ARHGAP5: variants seen among roughly 807,000 people sequenced by gnomAD.
ARHGAP5 encodes rho GTPase-activating protein 5.
Under a neutral mutation model 116.6 loss-of-function variants are expected in ARHGAP5, and 23 were observed. The observed-to-expected ratio is 0.20, with a 90% confidence interval of 0.14 to 0.28. The LOEUF (loss-of-function observed/expected upper bound fraction) is 0.28. Among genes scored for constraint, ARHGAP5 ranks in the 10% least tolerant of loss-of-function variants. The pLI is 1.00. For synonymous variants in ARHGAP5, 574 were observed against 602.0 expected (o/e 0.95, Z 0.68); for missense variants, 1,405 against 1,774.8 (o/e 0.79, Z 3.74).
chr14:32,096,614 T>C lies in ARHGAP5; in HGVS notation c.3717+2228T>C, dbSNP rs142148761. On this transcript the variant is annotated intron_variant, in intron 2 of 6. Transcript: ENST00000345122. ...AAGTCCTGGAAAAATGTAATTTACC[T>C]AAACAAATATGCTTCAAATAATCCT... Among the ~76,000 whole-genome samples, 277 of 152,336 alleles carry C rather than the reference T, an allele frequency of 1.8e-3. 1 individual carries two copies. Among genetic ancestry groups the C allele is most frequent in the African/African-American group, 6.4e-3 (266 of 41,580 alleles).
chr14:32,089,906 G>T (rs1057205909), intron 1 of ARHGAP5, among the ~76,000 whole-genome samples: 2 of 151,774 alleles, frequency 1.3e-5, no homozygotes, highest in Non-Finnish European at 2.9e-5. Flanking sequence ...ACTTATTTCT[G>T]TTTTCTCTTA....
chr14:32,150,252 A>T (rs745663102), intron 5 of ARHGAP5, among the ~76,000 whole-genome samples: 7 of 152,182 alleles, frequency 4.6e-5, no homozygotes, highest in Non-Finnish European at 8.8e-5. Context: ...TAGGTGACTT[A>T]AATGCTCCTA....
intron 2 of ARHGAP5, among the ~76,000 whole-genome samples, chr14:32,111,844 T>G: frequency 6.9e-6 from 1 of 143,980 alleles, no homozygotes; most frequent in South Asian, 2.2e-4. Flanking sequence ...CTTTGATTTT[T>G]TTTTTTTTTT....
intron 3 of ARHGAP5, among the ~76,000 whole-genome samples, chr14:32,138,672 T>A (rs1355786077): frequency 1.1e-4 from 16 of 152,222 alleles, no homozygotes; most frequent in Admixed American, 1.0e-3. Context: ...TACTTCATTT[T>A]TTTCCATCTT....
chr14:32,133,317 G>A (rs1252239438), intron 3 of ARHGAP5, among the ~76,000 whole-genome samples: 3 of 152,074 alleles, frequency 2.0e-5, no homozygotes, highest in Non-Finnish European at 4.4e-5. Flanking sequence ...TTGTAAGTTG[G>A]ATTCCTGGTA....
At chr14:32,129,030 G>A (rs894302166) in intron 3 of ARHGAP5, among the ~76,000 whole-genome samples, 10 of 152,040 alleles carry the variant, frequency 6.6e-5, no homozygotes, top group African/African-American at 2.2e-4. Flanking sequence ...TAGTTTTTCA[G>A]CCTCCTGCTT....
rs1468698833 is a variant in ARHGAP5 at position 32,092,393 on chromosome 14, G to A, written c.1724G>A (p.Ser575Asn). The A allele has an allele frequency of 1.2e-6, 2 of 1,613,446 alleles. No individual in the cohort carries two copies. Among genetic ancestry groups the A allele is most frequent in the Non-Finnish European group, 1.7e-6 (2 of 1,179,730 alleles). ...AAAGTGGAGCAGTTACTTGCTAGTA[G>A]TCTTTTACAGTTGGATCATGGCCGC... ...DIKVEQLLAS[S>N]LLQLDHGRLR... The change falls in exon 2 of 7, where the codon AGT becomes AAT. Residue 575 changes from serine to asparagine, a missense_variant. Ser to Asn is a conservative substitution (Grantham distance 46). Around this residue, in one of 6 missense-constraint regions of ARHGAP5, gnomAD observed 944 missense variants for 1,095.3 expected, o/e 0.86. Coordinates refer to ENST00000345122, the MANE Select transcript of ARHGAP5 (RefSeq NM_001030055.2). The surrounding 1 kb of genome is among the most constrained non-coding windows in gnomAD (Gnocchi z 4.1).
rs1881981798 is a variant in ARHGAP5, at chr14:32,158,225, T to C, written c.*3277T>C. The C allele has an allele frequency of 6.6e-6, 1 of 151,788 alleles. No individual in the cohort carries two copies. The highest frequency in any genetic ancestry group is 2.1e-4 in the South Asian group (1 of 4,824). 9.4% of individuals were successfully genotyped at this position (151,788 alleles called of 1,614,324 possible). A position where few individuals can be genotyped will look rare whatever the true frequency, so the allele number is the denominator to read the frequency against. Reference sequence around the variant, plus strand: ...GTGAAATGAAAAATAAAAATATAAATTTATCAATATGATGGAAATCTTATT... The same window carrying C: ...GTGAAATGAAAAATAAAAATATAAACTTATCAATATGATGGAAATCTTATT... On this transcript the variant is annotated 3_prime_UTR_variant, in exon 7 of 7. Coordinates refer to ENST00000345122, the MANE Select transcript of ARHGAP5 (RefSeq NM_001030055.2).
Position 32,113,412 on chromosome 14 carries a change from A to AT in ARHGAP5, c.3718-3725dup, listed in dbSNP as rs1879407418. Among the ~76,000 whole-genome samples the AT allele has an allele frequency of 2.0e-5, 3 of 152,368 alleles. No homozygotes were observed. In the South Asian group the frequency reaches 6.2e-4, roughly 32 times the overall value. On this transcript the variant is annotated intron_variant, in intron 2 of 6. Transcript: ENST00000345122. ...CCCCTTGTTATATGTATGGATTATA[A>AT]TTTGACTGTCAGAGCAGTTCTTTAT...
At chr14:32,153,252 C>A (rs1881727644) in intron 6 of ARHGAP5, among the ~76,000 whole-genome samples, 1 of 148,996 alleles carries the variant, frequency 6.7e-6, no homozygotes, top group Non-Finnish European at 1.5e-5. Flanking sequence ...ACTAAAAATA[C>A]AAAAATTAAC....
chr14:32,124,025 TTCTC>T (rs1336402331), intron 3 of ARHGAP5, among the ~76,000 whole-genome samples: 1 of 152,144 alleles, frequency 6.6e-6, no homozygotes, highest in Non-Finnish European at 1.5e-5. Flanking sequence ...CCGATACTCT[TTCTC>T]TGTGTATTTC....
intron 3 of ARHGAP5, among the ~76,000 whole-genome samples, chr14:32,131,127 A>G (rs538451115): frequency 6.6e-6 from 1 of 152,190 alleles, no homozygotes; most frequent in South Asian, 2.1e-4. Context: ...ATACAATTCT[A>G]TTGTCTAATA....
chr14:32,135,478 A>G (rs1880742042), intron 3 of ARHGAP5, among the ~76,000 whole-genome samples: 1 of 152,222 alleles, frequency 6.6e-6, no homozygotes, highest in South Asian at 2.1e-4. Context: ...GCAAGAGCAC[A>G]GTGGCGTGAT....
Position 32,092,723 on chromosome 14 carries a change from T to C in ARHGAP5, c.2054T>C (p.Ile685Thr). The C allele has an allele frequency of 1.9e-6, 3 of 1,613,690 alleles. No individual in the cohort carries two copies. The highest frequency in any genetic ancestry group is 2.5e-6 in the Non-Finnish European group (3 of 1,179,814). The change falls in exon 2 of 7, where the codon ATC (isoleucine) becomes ACC (threonine). Residue 685 changes from isoleucine (I) to threonine (T), a missense_variant. Physicochemically the swap from Ile to Thr is moderately conservative, Grantham distance 89 (BLOSUM62 -1). This residue lies in a region of ARHGAP5 where 944 missense variants were observed against 1,095.3 expected (regional missense o/e 0.86). Coordinates refer to ENST00000345122, the MANE Select transcript of ARHGAP5 (RefSeq NM_001030055.2). This position sits in a 1 kb window ranked among gnomAD's most constrained non-coding sequence, Gnocchi z 4.1. Reference protein sequence around the residue: ...IGKIRTEASQIRKDKYMANLP... With the variant: ...IGKIRTEASQTRKDKYMANLP... ...AAAATAAGAACTGAAGCTTCTCAGA[T>C]CAGAAAAGATAAATACATGGCTAAT... is the stretch of plus-strand genomic sequence containing the variant.
At chr14:32,121,013 C>CT (rs56377207) in intron 3 of ARHGAP5, among the ~76,000 whole-genome samples, 91,351 of 104,850 alleles carry the variant, frequency 0.87, 41,407 homozygotes, top group East Asian at 0.96. Flanking sequence ...AGGATTATGT[C>CT]TTTTTTTTTT....
chr14:32,126,555 A>G (rs919816496), intron 3 of ARHGAP5, among the ~76,000 whole-genome samples: 5 of 152,340 alleles, frequency 3.3e-5, no homozygotes, highest in East Asian at 3.9e-4. Context: ...GCAATGATCT[A>G]TTCCCAATAA....
In ARHGAP5 at chr14:32,091,017, A is replaced by G; in HGVS notation, c.348A>G (p.Ile116Met). The G allele has an allele frequency of 6.2e-7, 1 of 1,613,716 alleles. No individual in the cohort carries two copies. Among genetic ancestry groups the G allele is most frequent in the Non-Finnish European group, 8.5e-7 (1 of 1,179,684 alleles). ...PHRSTNLQPY[I>M]KRAAASKLQS... ...GGAGTACGAATTTGCAACCATATAT[A>G]AAACGTGCAGCTGCATCTAAATTGC... Residue 116 changes from isoleucine to methionine, a missense_variant, in exon 2 of 7, where the codon ATA (isoleucine) becomes ATG (methionine). By Grantham distance (10) the Ile-to-Met change is conservative. Coordinates refer to ENST00000345122, the MANE Select transcript of ARHGAP5 (RefSeq NM_001030055.2).
At chr14:32,126,020 A>G (rs1375991602) in intron 3 of ARHGAP5, among the ~76,000 whole-genome samples, 1 of 151,962 alleles carries the variant, frequency 6.6e-6, no homozygotes, top group Non-Finnish European at 1.5e-5. Flanking sequence ...GGGGGTTTTT[A>G]TATATGTTTG....
intron 2 of ARHGAP5, among the ~76,000 whole-genome samples, chr14:32,116,174 C>G (rs904955938): frequency 1.3e-5 from 2 of 151,348 alleles, no homozygotes; most frequent in African/African-American, 4.9e-5. Flanking sequence ...GTAGTCCCAG[C>G]TACTCCGGAG....
Sources: gnomAD v4.1 joint callset for allele counts (sites outside exome capture counted in the v4.1 genomes callset) on GRCh38, gnomAD v4.1.1 for gene constraint, gnomAD v4.1.1 regional missense constraint, Gnocchi (gnomAD v3.1) non-coding constraint, MANE v1.5 for transcripts, NCBI Gene and HGNC (gene_info 2026-07-23, HGNC 2026-07-21) for gene names.